IKBKB-DT: variants seen among roughly 807,000 people sequenced by gnomAD.
IKBKB-DT encodes the protein IKBKB divergent transcript, also known as IKBKB antisense RNA.
intron 3 of IKBKB-DT, among the ~76,000 whole-genome samples, chr8:42,244,293 G>A (rs1388136847): frequency 1.3e-5 from 2 of 152,174 alleles, no homozygotes; most frequent in Non-Finnish European, 2.9e-5. Context: ...AGGGTAGTCA[G>A]TTATCCTATT....
intron 3 of IKBKB-DT, among the ~76,000 whole-genome samples, chr8:42,257,793 AT>A (rs946736490): frequency 9.1e-4 from 137 of 150,684 alleles, no homozygotes; most frequent in Non-Finnish European, 1.7e-3. Context: ...TCAAAGGACA[AT>A]TTTTTTTTTA....
At chr8:42,234,102 G>A (rs796491209) in intron 3 of IKBKB-DT, among the ~76,000 whole-genome samples, 27 of 152,296 alleles carry the variant, frequency 1.8e-4, no homozygotes, top group African/African-American at 4.8e-4. Context: ...GGCTGCTATC[G>A]TCTTTGTTTT....
rs1807024192 is a variant in IKBKB-DT at position 42,243,112 on chromosome 8, C to T, written n.1530-9253G>A. On this transcript the variant is annotated intron_variant and non_coding_transcript_variant, in intron 3 of 3. Coordinates refer to ENST00000518213, the Ensembl canonical transcript of IKBKB-DT. The stretch of plus-strand genomic sequence containing the variant: ...GAGCAGGTTGGGGGTGGTCCTCGTG[C>T]CAGCTTAGTGTCTTACCTACTGGGC... 2.6e-5 allele frequency among the ~76,000 whole-genome samples: 4 copies of T among 152,214 alleles called. No individual in the cohort carries two copies. The South Asian group carries it at 8.3e-4, about 32-fold the overall frequency.
At chr8:42,246,670 AG>A (rs1807068373) in intron 3 of IKBKB-DT, among the ~76,000 whole-genome samples, 1 of 152,216 alleles carries the variant, frequency 6.6e-6, no homozygotes, top group Non-Finnish European at 1.5e-5. Context: ...CTCAGAGAGA[AG>A]GGTTAGGAGA....
At chr8:42,262,434 A>G (rs1209250718) in intron 3 of IKBKB-DT, among the ~76,000 whole-genome samples, 1 of 150,886 alleles carries the variant, frequency 6.6e-6, no homozygotes, top group Non-Finnish European at 1.5e-5. Flanking sequence ...TCTTTTATTT[A>G]TTTATTTATT....
At chr8:42,263,809 C>CT (rs1563279109) in intron 2 of IKBKB-DT, among the ~76,000 whole-genome samples, 5 of 151,660 alleles carry the variant, frequency 3.3e-5, no homozygotes, top group Non-Finnish European at 7.4e-5. Flanking sequence ...AATGGAGACG[C>CT]GTTTTTTTGT....
In IKBKB-DT at chr8:42,261,293, A is replaced by G. The variant is rs1384322490; in HGVS notation, n.1529+2036T>C. 2.4e-4 allele frequency among the ~76,000 whole-genome samples: 36 copies of G among 152,230 alleles called. 1 individual carries two copies. The highest frequency in any genetic ancestry group is 2.4e-3 in the Admixed American group (36 of 15,284). On this transcript the variant is annotated intron_variant and non_coding_transcript_variant, in intron 3 of 3. Transcript: ENST00000518213. ...CAGTGAGCCATGATCACGCAACTGCACTCCAGCCTGGGTGACAGTGAGACC... is the reference window on the plus strand; with the variant it reads ...CAGTGAGCCATGATCACGCAACTGCGCTCCAGCCTGGGTGACAGTGAGACC...
intron 3 of IKBKB-DT, among the ~76,000 whole-genome samples, chr8:42,254,167 C>T (rs763095735): frequency 2.6e-5 from 4 of 152,138 alleles, no homozygotes; most frequent in Admixed American, 6.5e-5. Context: ...CCTAATCAGA[C>T]GGGGAGGAAA....
At chr8:42,252,501 G>C (rs578088388) in intron 3 of IKBKB-DT, among the ~76,000 whole-genome samples, 1 of 152,264 alleles carries the variant, frequency 6.6e-6, no homozygotes, top group Admixed American at 6.5e-5. Flanking sequence ...TAATAGCTGG[G>C]ACTACCGGTG....
chr8:42,243,420 A>T (rs1207231555), intron 3 of IKBKB-DT, among the ~76,000 whole-genome samples: 1 of 152,240 alleles, frequency 6.6e-6, no homozygotes, highest in African/African-American at 2.4e-5. Flanking sequence ...AGAGAAAAAA[A>T]TAATTAAACT....
intron 3 of IKBKB-DT, among the ~76,000 whole-genome samples, chr8:42,252,509 G>A (rs73622108): frequency 0.057 from 8,704 of 152,170 alleles, 765 homozygotes; most frequent in African/African-American, 0.19. Flanking sequence ...GGGACTACCG[G>A]TGCGTGCCAC....
intron 3 of IKBKB-DT, among the ~76,000 whole-genome samples, chr8:42,235,752 C>T (rs770623439): frequency 3.9e-5 from 6 of 152,132 alleles, no homozygotes; most frequent in Non-Finnish European, 7.4e-5. Context: ...GCATGGCCAG[C>T]GTCATGTCAA....
intron 3 of IKBKB-DT, among the ~76,000 whole-genome samples, chr8:42,236,828 T>C (rs1258737703): frequency 2.0e-5 from 3 of 152,178 alleles, no homozygotes; most frequent in Non-Finnish European, 4.4e-5. Context: ...GAAAAAAATT[T>C]CAAGAGCAAA....
At chr8:42,241,250 TTTTTTTTTTTTTTTTTG>T (rs1807000000) in intron 3 of IKBKB-DT, among the ~76,000 whole-genome samples, 4 of 88,040 alleles carry the variant, frequency 4.5e-5, no homozygotes, top group Admixed American at 4.0e-4. Context: ...TTTTTTTTTT[TTTTTTTTTTTTTTTTTG>T]CCTAGGAAGG....
At chr8:42,256,406 AC>A (rs1437449032) in intron 3 of IKBKB-DT, among the ~76,000 whole-genome samples, 4 of 144,444 alleles carry the variant, frequency 2.8e-5, no homozygotes, top group Non-Finnish European at 3.0e-5. Context: ...TACCAAAAAT[AC>A]AAAAAAAAAA....
At chr8:42,245,048 G>C (rs1482670178) in intron 3 of IKBKB-DT, among the ~76,000 whole-genome samples, 9 of 151,706 alleles carry the variant, frequency 5.9e-5, no homozygotes, top group Admixed American at 5.9e-4. Flanking sequence ...AGGAGATTGA[G>C]ACCATCCTGG....
chr8:42,235,205 C>CTTTTTTTTTTTTTTTTTTTTTTTT (rs746414963), intron 3 of IKBKB-DT, among the ~76,000 whole-genome samples: 4 of 99,402 alleles, frequency 4.0e-5, no homozygotes, highest in African/African-American at 1.6e-4. Flanking sequence ...CTTTTATTTT[C>CTTTTTTTTTTTTTTTTTTTTTTTT]TTTTTTTTTT....
At chr8:42,235,588 A>C (rs1380379775) in intron 3 of IKBKB-DT, among the ~76,000 whole-genome samples, 1 of 152,170 alleles carries the variant, frequency 6.6e-6, no homozygotes, top group Non-Finnish European at 1.5e-5. Context: ...ACAGCATAAG[A>C]GGACAGCTTC....
chr8:42,255,802 G>T (rs1260168951), intron 3 of IKBKB-DT, among the ~76,000 whole-genome samples: 2 of 152,010 alleles, frequency 1.3e-5, no homozygotes, highest in Non-Finnish European at 2.9e-5. Context: ...GAGGCGGGTG[G>T]ATCACGAGGT....
Sources: allele counts gnomAD v4.1 joint callset (sites outside exome capture counted in the v4.1 genomes callset), GRCh38; gene constraint gnomAD v4.1.1; transcripts MANE v1.5; gene names NCBI Gene and HGNC (gene_info 2026-07-23, HGNC 2026-07-21).